Variants in TUFT1 observed in about 807,000 individuals in gnomAD.
The protein encoded by TUFT1 is tuftelin.
TUFT1 carries 43 observed loss-of-function variants against 57.8 expected under a neutral mutation model. The ratio of observed to expected loss-of-function variants is 0.74; its 90% confidence interval spans 0.58 to 0.96. The LOEUF (loss-of-function observed/expected upper bound fraction) is 0.96, where lower values mean the gene tolerates loss of function less well. Among genes scored for constraint, TUFT1 ranks in the 40% least tolerant of loss-of-function variants. The pLI, the probability that TUFT1 is intolerant of heterozygous loss-of-function variation, is 0.00. For missense variants in TUFT1, 459 were observed against 489.0 expected, an observed-to-expected ratio of 0.94 and a Z score of 0.58; for synonymous variants, 166 against 176.7, an observed-to-expected ratio of 0.94 and a Z score of 0.48.
chr1:151,540,623 G>T (rs1206909403), intron 1 of TUFT1, 197 bp downstream of exon 1: 6 of 622,846 alleles, frequency 9.6e-6, no homozygotes, highest in Non-Finnish European at 1.7e-5. Flanking sequence ...CTCCTTTGAG[G>T]CTGGAGGGTT....
At chr1:151,556,842 G>A (rs1279513460) in intron 1 of TUFT1, among the ~76,000 whole-genome samples, 1 of 152,162 alleles carries the variant, frequency 6.6e-6, no homozygotes, top group African/African-American at 2.4e-5. Flanking sequence ...TGTCACGGGA[G>A]CTTGTAATCC....
In TUFT1 at chr1:151,540,431, GA is replaced by G; in HGVS notation, c.60+10del. ...CACCCAGAGGACCAGGCGGCGGTAAGAAAAAGCGCTCTCGCTGTCTTCTCCG... is the reference window on the plus strand; with the variant it reads ...CACCCAGAGGACCAGGCGGCGGTAAGAAAAGCGCTCTCGCTGTCTTCTCCG... On this transcript the variant is annotated splice_donor_region_variant and intron_variant, in intron 1 of 12. Coordinates refer to ENST00000368849, the MANE Select transcript of TUFT1 (RefSeq NM_020127.3). 1.9e-6 allele frequency: 3 copies of G among 1,614,096 alleles called. No individual in the cohort carries two copies. Among genetic ancestry groups the G allele is most frequent in the Non-Finnish European group, 2.5e-6 (3 of 1,179,960 alleles).
chr1:151,575,224 G>A (rs1666426314), intron 9 of TUFT1, among the ~76,000 whole-genome samples: 1 of 152,162 alleles, frequency 6.6e-6, no homozygotes, highest in African/African-American at 2.4e-5. Flanking sequence ...TTTTCCATGG[G>A]GTAATAACCT....
chr1:151,560,314 G>A (rs899026794), intron 1 of TUFT1, among the ~76,000 whole-genome samples: 8 of 151,938 alleles, frequency 5.3e-5, no homozygotes, highest in African/African-American at 1.9e-4. Context: ...TACTTGGGAG[G>A]CTGAGGCAGG....
At chr1:151,574,882 T>G in intron 8 of TUFT1, 29 bp from the exon 9 acceptor site, 1 of 1,542,666 alleles carries the variant, frequency 6.5e-7, no homozygotes, top group East Asian at 2.4e-5. Flanking sequence ...CATCTTCTCA[T>G]CCTAGATTTT....
At chr1:151,543,064 C>G (rs1221362137) in intron 1 of TUFT1, among the ~76,000 whole-genome samples, 2 of 152,208 alleles carry the variant, frequency 1.3e-5, no homozygotes, top group African/African-American at 4.8e-5. Flanking sequence ...TGTTTCCCCA[C>G]TAGCCAGGCA....
chr1:151,562,349 A>G (rs1369720638), intron 2 of TUFT1, among the ~76,000 whole-genome samples, 184 bp downstream of exon 2: 2 of 152,204 alleles, frequency 1.3e-5, no homozygotes, highest in East Asian at 3.8e-4. Context: ...GTCCCCCACT[A>G]AAATTAAAAC....
intron 1 of TUFT1, among the ~76,000 whole-genome samples, chr1:151,547,599 G>C (rs1012171981): frequency 3.3e-5 from 5 of 152,200 alleles, no homozygotes; most frequent in African/African-American, 9.7e-5. Flanking sequence ...GAAGAAAAGA[G>C]ACGTGGTTTT....
chr1:151,552,168 T>C (rs1439350555), intron 1 of TUFT1, among the ~76,000 whole-genome samples: 1 of 152,262 alleles, frequency 6.6e-6, no homozygotes, highest in African/African-American at 2.4e-5. Flanking sequence ...TTACTGATGT[T>C]GCATGTACAG....
At chr1:151,580,724 CAGT>C (rs903828532) in intron 11 of TUFT1, among the ~76,000 whole-genome samples, 1 of 149,218 alleles carries the variant, frequency 6.7e-6, no homozygotes, top group African/African-American at 2.5e-5. Flanking sequence ...ATCAGTCTGT[CAGT>C]GTTGTACAGA....
At chr1:151,579,755 CA>C in intron 11 of TUFT1, 23 bp downstream of exon 11, 1 of 1,606,734 alleles carries the variant, frequency 6.2e-7, no homozygotes, top group Non-Finnish European at 8.5e-7. Flanking sequence ...GGCAGCCCAG[CA>C]GGGGAACAGG....
At chr1:151,542,199 CTTCCT>C (rs1665189531) in intron 1 of TUFT1, among the ~76,000 whole-genome samples, 1 of 151,524 alleles carries the variant, frequency 6.6e-6, no homozygotes, top group Non-Finnish European at 1.5e-5. Flanking sequence ...TTTTTTCTTT[CTTCCT>C]TTCTTTTCTT....
At chr1:151,567,879 TG>T (rs1307542391) in intron 6 of TUFT1, among the ~76,000 whole-genome samples, 13 of 152,234 alleles carry the variant, frequency 8.5e-5, no homozygotes, top group African/African-American at 2.7e-4. Flanking sequence ...TGTGTTATTA[TG>T]TTTTTTTGTG....
At chr1:151,574,569 G>A (rs1487528555) in intron 8 of TUFT1, among the ~76,000 whole-genome samples, 171 bp downstream of exon 8, 1 of 152,190 alleles carries the variant, frequency 6.6e-6, no homozygotes, top group Non-Finnish European at 1.5e-5. Context: ...CAAGGAATTA[G>A]CCTCCCCCTA....
chr1:151,580,932 T>C lies in TUFT1; in HGVS notation c.1009-10T>C, dbSNP rs1340010391. 1 of 1,613,692 alleles carries C rather than the reference T, an allele frequency of 6.2e-7. No homozygotes were observed. Among genetic ancestry groups the C allele is most frequent in the East Asian group, 2.2e-5 (1 of 44,872 alleles). On this transcript the variant is annotated splice_polypyrimidine_tract_variant and intron_variant, in intron 11 of 12. Coordinates refer to ENST00000368849, the MANE Select transcript of TUFT1 (RefSeq NM_020127.3). Reference sequence around the variant, plus strand: ...AAAGGCCAACTCTAACCCCTAAGCTTGTGTTACAGAATTTAGAGATGCATG... The same window carrying C: ...AAAGGCCAACTCTAACCCCTAAGCTCGTGTTACAGAATTTAGAGATGCATG...
intron 1 of TUFT1, among the ~76,000 whole-genome samples, chr1:151,556,171 A>G (rs1209675333): frequency 6.6e-6 from 1 of 152,230 alleles, no homozygotes; most frequent in Non-Finnish European, 1.5e-5. Context: ...GCATGTATCA[A>G]TAGTTTGATC....
intron 1 of TUFT1, among the ~76,000 whole-genome samples, chr1:151,560,231 T>C (rs1329307411): frequency 6.6e-6 from 1 of 151,364 alleles, no homozygotes; most frequent in Non-Finnish European, 1.5e-5. Flanking sequence ...GCCTGGCCAA[T>C]GTGGCGAAAC....
At chr1:151,571,180 A>G (rs1211172276) in intron 7 of TUFT1, among the ~76,000 whole-genome samples, 1 of 152,236 alleles carries the variant, frequency 6.6e-6, no homozygotes, top group Non-Finnish European at 1.5e-5. Context: ...CTTCATTTTC[A>G]TGGAACTGAG....
At chr1:151,540,727 T>G in intron 1 of TUFT1, 2 of 437,990 alleles carry the variant, frequency 4.6e-6, no homozygotes, top group South Asian at 2.5e-5. Flanking sequence ...TCAGGCGTCT[T>G]TTGGGCAGCC....
Sources: allele counts gnomAD v4.1 joint callset (sites outside exome capture counted in the v4.1 genomes callset), GRCh38; gene constraint gnomAD v4.1.1; transcripts MANE v1.5; gene names NCBI Gene and HGNC (gene_info 2026-07-23, HGNC 2026-07-21).